AATF: variants seen among roughly 807,000 people sequenced by gnomAD.
AATF encodes the protein apoptosis antagonizing transcription factor.
AATF carries 48 observed loss-of-function variants against 63.7 expected under a neutral mutation model. That is an observed-to-expected ratio of 0.75 (90% confidence interval 0.60 to 0.96). AATF has a LOEUF of 0.96. AATF is among the 40% of genes least tolerant of loss of function. AATF has a pLI of 0.00. For synonymous variants in AATF, 258 were observed against 247.7 expected (o/e 1.04, Z -0.39); for missense variants, 639 against 685.7 (o/e 0.93, Z 0.76).
intron 8 of AATF, among the ~76,000 whole-genome samples, chr17:36,999,754 A>G (rs2071280297): frequency 6.6e-6 from 1 of 152,180 alleles, no homozygotes; most frequent in African/African-American, 2.4e-5. Flanking sequence ...ATATTTGAGA[A>G]GAGACCTGAG....
Position 36,948,957 on chromosome 17 carries a change from C to A in AATF, c.-169C>A. The A allele has an allele frequency of 1.7e-6, 1 of 578,770 alleles. No homozygotes were observed. The highest frequency in any genetic ancestry group is 3.0e-6 in the Non-Finnish European group (1 of 337,490). The allele number at this position is 578,770 out of a possible 1,614,324, so 35.9% of individuals were successfully genotyped here. Reference sequence around the variant, plus strand: ...CGCAGGCCCCGCCCCCTCCCGCGCGCCTCCCGGAAGTGGCCGGTCCAGAGC... The same window carrying A: ...CGCAGGCCCCGCCCCCTCCCGCGCGACTCCCGGAAGTGGCCGGTCCAGAGC... On this transcript the variant is annotated 5_prime_UTR_variant, in exon 1 of 12. Coordinates refer to ENST00000619387, the MANE Select transcript of AATF (RefSeq NM_012138.4).
intron 11 of AATF, among the ~76,000 whole-genome samples, chr17:37,048,478 T>G (rs2071715425): frequency 6.6e-6 from 1 of 151,158 alleles, no homozygotes; most frequent in Non-Finnish European, 1.5e-5. Flanking sequence ...TCAAGTGATT[T>G]TCCCGGCTCA....
At position 36,948,978 on chromosome 17, in the gene AATF, A is replaced by G. The variant is rs2070828437; in HGVS notation, c.-148A>G. ...CGCGCCTCCCGGAAGTGGCCGGTCCAGAGCTGTGGGGTGGCCTCCGCGCGG... is the reference window on the plus strand; with the variant it reads ...CGCGCCTCCCGGAAGTGGCCGGTCCGGAGCTGTGGGGTGGCCTCCGCGCGG... On this transcript the variant is annotated 5_prime_UTR_variant, in exon 1 of 12. Coordinates refer to ENST00000619387, the MANE Select transcript of AATF (RefSeq NM_012138.4). The G allele has an allele frequency of 2.8e-6, 2 of 712,560 alleles. No homozygotes were observed. The highest frequency in any genetic ancestry group is 4.6e-6 in the Non-Finnish European group (2 of 431,444). 44.1% of individuals were successfully genotyped at this position (712,560 alleles called of 1,614,324 possible).
At chr17:36,959,281 A>G (rs2070927216) in intron 4 of AATF, among the ~76,000 whole-genome samples, 1 of 152,194 alleles carries the variant, frequency 6.6e-6, no homozygotes, top group Non-Finnish European at 1.5e-5. Context: ...CCGTCTCTAC[A>G]AAAGTACAAA....
intron 5 of AATF, 68 bp from the exon 6 acceptor site, chr17:36,988,451 G>A: frequency 6.8e-7 from 1 of 1,480,004 alleles, no homozygotes; most frequent in South Asian, 1.2e-5. Flanking sequence ...TCCTTTATGT[G>A]AGCCTAGTTT....
At chr17:37,053,196 G>A (rs1383469246) in intron 11 of AATF, among the ~76,000 whole-genome samples, 1 of 151,988 alleles carries the variant, frequency 6.6e-6, no homozygotes, top group Non-Finnish European at 1.5e-5. Flanking sequence ...TGAACAAATG[G>A]AGGGAAAAGC....
At chr17:37,007,682 A>G (rs1370713470) in intron 8 of AATF, among the ~76,000 whole-genome samples, 1 of 152,186 alleles carries the variant, frequency 6.6e-6, no homozygotes, top group Non-Finnish European at 1.5e-5. Context: ...AAGAATTCAG[A>G]AAAGGGAGAA....
At chr17:37,051,929 C>T (rs2049941022) in intron 11 of AATF, among the ~76,000 whole-genome samples, 1 of 152,170 alleles carries the variant, frequency 6.6e-6, no homozygotes, top group South Asian at 2.1e-4. Context: ...TGTTAGTGCT[C>T]ATTACTTGCT....
chr17:36,979,271 G>T (rs1192322152), intron 4 of AATF, among the ~76,000 whole-genome samples: 2 of 152,136 alleles, frequency 1.3e-5, no homozygotes, highest in African/African-American at 4.8e-5. Context: ...GAAGACAGTG[G>T]AATCGGTGTT....
intron 4 of AATF, among the ~76,000 whole-genome samples, chr17:36,966,728 C>A (rs2070994736): frequency 6.6e-6 from 1 of 152,038 alleles, no homozygotes; most frequent in Non-Finnish European, 1.5e-5. Context: ...CCTGTCTCAA[C>A]CAGATGTTTT....
chr17:37,043,643 A>G (rs1055423465), intron 11 of AATF, among the ~76,000 whole-genome samples: 3 of 152,192 alleles, frequency 2.0e-5, no homozygotes, highest in African/African-American at 7.2e-5. Flanking sequence ...TATTTGGAAT[A>G]ATATATTTTA....
At chr17:36,988,101 G>A (rs949490666) in intron 5 of AATF, among the ~76,000 whole-genome samples, 1 of 152,150 alleles carries the variant, frequency 6.6e-6, no homozygotes, top group African/African-American at 2.4e-5. Flanking sequence ...ATCACTGGAG[G>A]CCAGGAGTTT....
chr17:37,023,978 C>T (rs1285306457), intron 10 of AATF, among the ~76,000 whole-genome samples: 1 of 151,998 alleles, frequency 6.6e-6, no homozygotes, highest in Non-Finnish European at 1.5e-5. Flanking sequence ...ATACCTAGTT[C>T]AATATGAACG....
intron 10 of AATF, among the ~76,000 whole-genome samples, chr17:37,022,292 C>A (rs1003079215): frequency 7.9e-5 from 12 of 152,168 alleles, no homozygotes; most frequent in Non-Finnish European, 2.9e-5. Context: ...ACCTGCCTAT[C>A]ATTAAATTCC....
chr17:37,044,860 T>C (rs1180521231), intron 11 of AATF, among the ~76,000 whole-genome samples: 1 of 152,184 alleles, frequency 6.6e-6, no homozygotes, highest in African/African-American at 2.4e-5. Context: ...TTCAGATACT[T>C]GAGTTAGAGA....
In AATF at chr17:37,038,667, C is replaced by T. The variant is rs533954177; in HGVS notation, c.1619+6982C>T. On this transcript the variant is annotated intron_variant, in intron 11 of 11. Coordinates refer to ENST00000619387, the MANE Select transcript of AATF (RefSeq NM_012138.4). ...TAGCAAGATTAACATTTTGTAGGTA[C>T]TCCATTCCTTTGCAAATAACTTAAA... Among the ~76,000 whole-genome samples, 11 of 152,272 alleles carry T rather than the reference C, an allele frequency of 7.2e-5. No homozygotes were observed. The East Asian group carries it at 2.1e-3, about 29-fold the overall frequency.
intron 11 of AATF, among the ~76,000 whole-genome samples, chr17:37,053,997 A>T (rs1243766357): frequency 6.6e-6 from 1 of 152,264 alleles, no homozygotes; most frequent in East Asian, 1.9e-4. Context: ...GTAACTATTT[A>T]AACTTACTGT....
At chr17:37,025,495 C>G (rs7350914) in intron 10 of AATF, among the ~76,000 whole-genome samples, 41,359 of 151,828 alleles carry the variant, frequency 0.27, 8,105 homozygotes, top group African/African-American at 0.56. Flanking sequence ...TGGCCATTGA[C>G]GGGGGAGGGC....
chr17:37,013,570 A>T (rs1298726520), intron 8 of AATF, among the ~76,000 whole-genome samples: 4 of 152,100 alleles, frequency 2.6e-5, no homozygotes, highest in African/African-American at 9.7e-5. Context: ...TCTTTTCAAC[A>T]GCCAGCTCCT....
Sources: gnomAD v4.1 joint callset for allele counts (sites outside exome capture counted in the v4.1 genomes callset) on GRCh38, gnomAD v4.1.1 for gene constraint, MANE v1.5 for transcripts, NCBI Gene and HGNC (gene_info 2026-07-23, HGNC 2026-07-21) for gene names.